Variants in EVC2 observed in about 807,000 individuals in gnomAD.
EVC2 encodes limbin.
In EVC2, 148 loss-of-function variants were observed where a neutral mutation model predicts 149.3. The observed-to-expected ratio is 0.99, with a 90% CI of 0.87 to 1.14. The LOEUF is 1.14. EVC2 is among the 50% of genes most tolerant of loss of function. EVC2 has a pLI of 0.00. For synonymous variants in EVC2, 776 were observed against 649.9 expected, an observed-to-expected ratio of 1.19 and a Z score of -2.95; for missense variants, 1,854 against 1,627.3, an observed-to-expected ratio of 1.14 and a Z score of -2.40.
chr4:5,636,935 A>G lies in EVC2; in HGVS notation c.1470+3579T>C, dbSNP rs1437654204. ...CTAGTTCTATTAAATGCTGCAGCTC[A>G]GATACTATTTCTGGAAACAGATTGG... On this transcript the variant is annotated intron_variant, in intron 10 of 21. Transcript: ENST00000344408. This position sits in a 1 kb window ranked among gnomAD's most constrained non-coding sequence, Gnocchi z 4.6. 6.6e-6 allele frequency among the ~76,000 whole-genome samples: 1 copy of G among 152,194 alleles called. No homozygotes were observed. Among genetic ancestry groups the G allele is most frequent in the Non-Finnish European group, 1.5e-5 (1 of 68,044 alleles).
chr4:5,583,704 C>G (rs1446574841), intron 17 of EVC2, among the ~76,000 whole-genome samples: 1 of 151,806 alleles, frequency 6.6e-6, no homozygotes, highest in East Asian at 1.9e-4. Flanking sequence ...TTTTTATACT[C>G]TTAATATTAT....
intron 7 of EVC2, among the ~76,000 whole-genome samples, chr4:5,678,886 C>G (rs1436826752): frequency 2.0e-5 from 3 of 151,948 alleles, no homozygotes; most frequent in African/African-American, 7.3e-5. Flanking sequence ...TAAAAACTAG[C>G]TGGCTGTGGT....
At chr4:5,555,040 G>GTC (rs1256516909) in intron 21 of EVC2, among the ~76,000 whole-genome samples, 6 of 135,934 alleles carry the variant, frequency 4.4e-5, no homozygotes, top group Admixed American at 2.3e-4. Context: ...GTGTGTGTGT[G>GTC]TGTCTCTGCA....
intron 9 of EVC2, 86 bp downstream of exon 9, chr4:5,663,021 A>C (rs1719003591): frequency 3.2e-6 from 5 of 1,539,998 alleles, no homozygotes; most frequent in Non-Finnish European, 4.5e-6. Context: ...TGAATGAATG[A>C]AATATACTCA....
chr4:5,687,240 A>G (rs546362569), intron 5 of EVC2, among the ~76,000 whole-genome samples: 3 of 152,148 alleles, frequency 2.0e-5, no homozygotes, highest in Non-Finnish European at 4.4e-5. Flanking sequence ...CTGGGCGACA[A>G]GCATGAAACT....
At position 5,637,499 on chromosome 4, in the gene EVC2, G is replaced by T. The variant is rs1198562777; in HGVS notation, c.1470+3015C>A. Among the ~76,000 whole-genome samples the T allele has an allele frequency of 1.3e-5, 2 of 152,190 alleles. No homozygotes were observed. The highest frequency in any genetic ancestry group is 2.9e-5 in the Non-Finnish European group (2 of 68,030). ...GAACAATGCCAGACACACCATGCAT[G>T]CTAAGGAAGGATGAGCTGTTATTGT... On this transcript the variant is annotated intron_variant, in intron 10 of 21. Transcript: ENST00000344408. The surrounding 1 kb of genome is among the most constrained non-coding windows in gnomAD (Gnocchi z 4.4).
Position 5,613,740 on chromosome 4 carries a change from A to G in EVC2, c.2829+1682T>C, listed in dbSNP as rs147167737. ...CACATTGATGTATATCTCTTGAATT[A>G]GCCTTTAACAATAGGTAAGATGACA... On this transcript the variant is annotated intron_variant, in intron 16 of 21. Transcript: ENST00000344408. This position sits in a 1 kb window ranked among gnomAD's most constrained non-coding sequence, Gnocchi z 4.6. Among the ~76,000 whole-genome samples the G allele has an allele frequency of 6.6e-6, 1 of 152,130 alleles. No homozygotes were observed. The highest frequency in any genetic ancestry group is 1.5e-5 in the Non-Finnish European group (1 of 68,032).
chr4:5,589,758 G>T (rs544368669), intron 16 of EVC2, among the ~76,000 whole-genome samples: 1 of 152,158 alleles, frequency 6.6e-6, no homozygotes, highest in Non-Finnish European at 1.5e-5. Context: ...TAGGTAAGGA[G>T]TAATTCTGAT....
At chr4:5,591,053 C>A (rs1009202668) in intron 16 of EVC2, among the ~76,000 whole-genome samples, 10 of 152,144 alleles carry the variant, frequency 6.6e-5, no homozygotes, top group Non-Finnish European at 1.5e-5. Context: ...TCCAATGACA[C>A]ACATGGGGAT....
rs940277841 is a variant in EVC2, at chr4:5,670,518, G to A, written c.871-4869C>T. ...TCACCACCATCACCATCGCCACCAC[G>A]ATTATCAACATCATCAATATCCCCA... On this transcript the variant is annotated intron_variant, in intron 7 of 21. Transcript: ENST00000344408. This position sits in a 1 kb window ranked among gnomAD's most constrained non-coding sequence, Gnocchi z 5.2. Among the ~76,000 whole-genome samples, 3 of 141,630 alleles carry A rather than the reference G, an allele frequency of 2.1e-5. No individual in the cohort carries two copies. Among genetic ancestry groups the A allele is most frequent in the Non-Finnish European group, 3.1e-5 (2 of 64,990 alleles). 92.9% of individuals were successfully genotyped at this position (141,630 alleles called of 152,430 possible).
At chr4:5,541,083 G>A (rs1358590604), downstream of EVC2, among the ~76,000 whole-genome samples, 1 of 152,188 alleles carries the variant, frequency 6.6e-6, no homozygotes, top group Non-Finnish European at 1.5e-5. Context: ...TTTTCCGACA[G>A]CAGAGTGTTA....
intron 9 of EVC2, among the ~76,000 whole-genome samples, chr4:5,651,195 T>C (rs1175379738): frequency 6.6e-6 from 1 of 152,148 alleles, no homozygotes; most frequent in African/African-American, 2.4e-5. Context: ...GATGGGTCGA[T>C]AGATGGCTAG....
the EVC2 span, among the ~76,000 whole-genome samples, chr4:5,536,801 C>A: frequency 5.3e-5 from 8 of 150,994 alleles, no homozygotes; most frequent in African/African-American, 1.9e-4. Context: ...AAAAAATAGT[C>A]ATTATCCCTA....
chr4:5,616,406 G>T (rs945825557), intron 15 of EVC2, among the ~76,000 whole-genome samples: 1 of 147,674 alleles, frequency 6.8e-6, no homozygotes, highest in Non-Finnish European at 1.5e-5. Flanking sequence ...AGCCCTGGGG[G>T]CCACCAGCAG....
At chr4:5,551,267 G>C (rs1721731981) in intron 21 of EVC2, among the ~76,000 whole-genome samples, 1 of 152,230 alleles carries the variant, frequency 6.6e-6, no homozygotes. Context: ...GCAGCCAGGA[G>C]GGGGGCTGTG....
chr4:5,550,577 T>G (rs981987406), intron 21 of EVC2, among the ~76,000 whole-genome samples: 1 of 152,214 alleles, frequency 6.6e-6, no homozygotes, highest in African/African-American at 2.4e-5. Flanking sequence ...CATAAAAGTT[T>G]GGAAAATTTG....
At chr4:5,593,636 G>C (rs942742989) in intron 16 of EVC2, among the ~76,000 whole-genome samples, 5 of 152,220 alleles carry the variant, frequency 3.3e-5, no homozygotes, top group Non-Finnish European at 7.3e-5. Context: ...CTCCCAGCGT[G>C]AGCGACGCAC....
chr4:5,548,370 G>A (rs1351009400), intron 21 of EVC2, among the ~76,000 whole-genome samples: 1 of 149,810 alleles, frequency 6.7e-6, no homozygotes, highest in Non-Finnish European at 1.5e-5. Context: ...GAAACCATGA[G>A]ACAACCTTGA....
intron 3 of EVC2, among the ~76,000 whole-genome samples, chr4:5,692,291 G>A (rs2151734763): frequency 6.6e-6 from 1 of 152,262 alleles, no homozygotes; most frequent in East Asian, 1.9e-4. Flanking sequence ...GCCTCCCAAG[G>A]TGCTGGGATT....
Sources: allele counts gnomAD v4.1 joint callset (sites outside exome capture counted in the v4.1 genomes callset), GRCh38; gene constraint gnomAD v4.1.1; non-coding constraint Gnocchi (gnomAD v3.1); transcripts MANE v1.5; gene names NCBI Gene and HGNC (gene_info 2026-07-23, HGNC 2026-07-21).